TRAPPC2L: variants seen among roughly 807,000 people sequenced by gnomAD.
TRAPPC2L encodes trafficking protein particle complex subunit 2-like protein.
Under a neutral mutation model 13.2 loss-of-function variants are expected in TRAPPC2L, and 17 were observed. That is an observed-to-expected ratio of 1.29 (90% CI 0.88 to 1.93). TRAPPC2L has a LOEUF of 1.93. TRAPPC2L is among the 30% of genes most tolerant of loss of function. The probability of loss-of-function intolerance (pLI) is 0.00; values close to 1 mark genes in which losing one functional copy is unlikely to be tolerated. For synonymous variants in TRAPPC2L, 150 were observed against 98.1 expected (o/e 1.53, Z -3.12); for missense variants, 359 against 252.1 (o/e 1.42, Z -2.87).
chr16:88,856,565 CTCCCCGCACGGGGATACCCCCCG>C (rs1967905077), upstream of TRAPPC2L: 9 of 639,934 alleles, frequency 1.4e-5, no homozygotes, highest in Non-Finnish European at 2.3e-5. Flanking sequence ...GGGCCTCCCC[CTCCCCGCACGGGGATACCCCCCG>C]TCCCCTCCCC....
rs1567552314 is a variant in TRAPPC2L, at chr16:88,857,163, A to AT, written c.14dup (p.Ala6ArgfsTer36). ...CGAGCCTCCCAAGATGGCGGTGTGC[A>AT]TCGCGGTGATTGCCAAGGAGGTGCG... On this transcript the variant is annotated frameshift_variant, in exon 1 of 4. Transcript: ENST00000565504. LOFTEE classifies it high-confidence loss of function. 1 of 1,582,752 alleles carries AT rather than the reference A, an allele frequency of 6.3e-7. No individual in the cohort carries two copies. Among genetic ancestry groups the AT allele is most frequent in the African/African-American group, 1.4e-5 (1 of 72,764 alleles).
At chr16:88,860,597 C>T (rs1968316751) in exon 4 of TRAPPC2L, 1 of 585,926 alleles carries the variant, frequency 1.7e-6, no homozygotes, top group Non-Finnish European at 3.0e-6. Flanking sequence ...AGCAGGCAGG[C>T]GAATGTCCAC....
chr16:88,856,282 C>A (rs528345361), upstream of TRAPPC2L: 2 of 702,994 alleles, frequency 2.8e-6, no homozygotes, highest in Non-Finnish European at 5.2e-6. Context: ...CCCGGCGGCC[C>A]GAGGTGGCGG....
chr16:88,859,937 C>T lies in TRAPPC2L; in HGVS notation c.339C>T (p.Asn113=), dbSNP rs753075807. 9 of 1,531,204 alleles carry T rather than the reference C, an allele frequency of 5.9e-6. No individual in the cohort carries two copies. The South Asian group carries it at 1.0e-4, about 17-fold the overall frequency. The allele number at this position is 1,531,204 out of a possible 1,614,324, so 94.9% of individuals were successfully genotyped here. ...ACTCCTACACAGACGTGATGTGCAACCCCTTCTACAACCCGGGGGACCGCA... is the reference window on the plus strand; with the variant it reads ...ACTCCTACACAGACGTGATGTGCAATCCCTTCTACAACCCGGGGGACCGCA... The change falls in exon 4 of 4, where the codon AAC becomes AAT. Residue 113 remains asparagine (N), a synonymous_variant. Transcript: ENST00000565504.
At chr16:88,856,645 C>T, upstream of TRAPPC2L, 1 of 372,768 alleles carries the variant, frequency 2.7e-6, no homozygotes, top group South Asian at 1.9e-5. Flanking sequence ...AGGGGCCTCC[C>T]CTCACCTCTC....
chr16:88,858,961 G>A (rs977040099), intron 2 of TRAPPC2L, 170 bp downstream of exon 2: 3 of 676,938 alleles, frequency 4.4e-6, no homozygotes, highest in African/African-American at 3.6e-5. Flanking sequence ...CTCTTTCATT[G>A]GAAGAGCCAT....
intron 1 of TRAPPC2L, 182 bp downstream of exon 1, chr16:88,857,365 C>A: frequency 1.8e-6 from 1 of 558,142 alleles, no homozygotes; most frequent in South Asian, 2.4e-5. Flanking sequence ...TGACTGAGAC[C>A]CCAGTTCCGC....
At chr16:88,860,229 G>A (rs1266691219) in exon 4 of TRAPPC2L, 1 of 703,104 alleles carries the variant, frequency 1.4e-6, no homozygotes, top group Non-Finnish European at 2.6e-6. Flanking sequence ...GGCTTCCCAG[G>A]TGTGCCCAGT....
At chr16:88,860,461 C>T in exon 4 of TRAPPC2L, 1 of 602,906 alleles carries the variant, frequency 1.7e-6, no homozygotes, top group Non-Finnish European at 2.9e-6. Context: ...GACTTGCTTT[C>T]AGTGAGTCCC....
At chr16:88,860,010 G>A in exon 4 of TRAPPC2L, 1 of 1,594,846 alleles carries the variant, frequency 6.3e-7, no homozygotes, top group Non-Finnish European at 8.6e-7. Flanking sequence ...CCTTCTTTCT[G>A]TAGGACATGC....
rs773305442 is a variant in TRAPPC2L at position 88,857,136 on chromosome 16, G to A, written c.-15G>A. 11 of 1,569,812 alleles carry A rather than the reference G, an allele frequency of 7.0e-6. No individual in the cohort carries two copies. The South Asian group carries it at 1.3e-4, about 18-fold the overall frequency. ...CGGGTCACGTGACGCGGTGCCTGGC[G>A]CCGAGCCTCCCAAGATGGCGGTGTG... is the stretch of plus-strand genomic sequence containing the variant. On this transcript the variant is annotated 5_prime_UTR_variant, in exon 1 of 4. Transcript: ENST00000565504.
upstream of TRAPPC2L, chr16:88,856,923 C>A (rs1248654823): frequency 6.7e-7 from 1 of 1,482,956 alleles, no homozygotes; most frequent in South Asian, 1.3e-5. Context: ...GCCGACCTAG[C>A]GAGCGTCCGC....
chr16:88,860,852 GTC>G (rs1241899503), exon 4 of TRAPPC2L: 13 of 1,537,068 alleles, frequency 8.5e-6, no homozygotes, highest in Non-Finnish European at 9.7e-6. Flanking sequence ...TGCCCGGCCC[GTC>G]TCTGAGCAGA....
At chr16:88,859,538 G>C in intron 2 of TRAPPC2L, 125 bp from the exon 3 acceptor site, 1 of 952,040 alleles carries the variant, frequency 1.1e-6, no homozygotes, top group Non-Finnish European at 1.7e-6. Context: ...GCCACTGCAG[G>C]ACCAGCCCAG....
chr16:88,859,085 C>T, intron 2 of TRAPPC2L: 3 of 477,258 alleles, frequency 6.3e-6, no homozygotes, highest in Non-Finnish European at 1.2e-5. Flanking sequence ...GGATTTCTTT[C>T]TGTGCTTTTC....
upstream of TRAPPC2L, chr16:88,856,937 C>A: frequency 6.8e-7 from 1 of 1,466,012 alleles, no homozygotes; most frequent in South Asian, 1.3e-5. Flanking sequence ...CGTCCGCCGG[C>A]CCTTCCGGCT....
chr16:88,857,360 G>A, intron 1 of TRAPPC2L, 177 bp downstream of exon 1: 1 of 580,856 alleles, frequency 1.7e-6, no homozygotes, highest in Non-Finnish European at 2.9e-6. Context: ...GACCCTGACT[G>A]AGACCCCAGT....
At chr16:88,861,816 A>G (rs1968411851) in exon 4 of TRAPPC2L, 1 of 368,590 alleles carries the variant, frequency 2.7e-6, no homozygotes, top group Non-Finnish European at 5.5e-6. Context: ...AAGCCCTTGC[A>G]GCAGGAAAGG....
At chr16:88,859,223 C>T in intron 2 of TRAPPC2L, 3 of 512,050 alleles carry the variant, frequency 5.9e-6, no homozygotes, top group South Asian at 3.1e-5. Context: ...AATTCAAAGA[C>T]CTTCCCAAAA....
Sources: allele counts gnomAD v4.1 joint callset, GRCh38; gene constraint gnomAD v4.1.1; transcripts MANE v1.5; gene names NCBI Gene and HGNC (gene_info 2026-07-23, HGNC 2026-07-21).